Variants in ZBTB44 observed in about 807,000 individuals in gnomAD.
ZBTB44 encodes zinc finger and BTB domain containing 44.
A neutral mutation model predicts 54.0 loss-of-function variants in ZBTB44; 15 were observed. The observed-to-expected ratio is 0.28, with a 90% CI of 0.19 to 0.43. The LOEUF (loss-of-function observed/expected upper bound fraction) is 0.43. Ranked by LOEUF, ZBTB44 falls within the 20% of genes least tolerant of loss-of-function variation. ZBTB44 has a pLI of 1.00. For synonymous variants in ZBTB44, 230 were observed against 250.1 expected, an observed-to-expected ratio of 0.92 and a Z score of 0.76; for missense variants, 487 against 707.1, an observed-to-expected ratio of 0.69 and a Z score of 3.53.
Position 130,261,259 on chromosome 11 carries a change from G to C in ZBTB44, c.615C>G (p.Pro205=). Reference sequence around the variant, plus strand: ...AGGAAGCTGAAGAATTCAATACCTGGGGTGAGCTTGTTTGTGTGCCACACT... The same window carrying C: ...AGGAAGCTGAAGAATTCAATACCTGCGGTGAGCTTGTTTGTGTGCCACACT... ...PVKCGTQTSS[P]QVLNSSASYS... is the part of the protein sequence containing the mutation. The change falls in exon 2 of 8, where the codon CCC becomes CCG. Residue 205 remains proline (P), a synonymous_variant. Coordinates refer to ENST00000357899, the MANE Select transcript of ZBTB44 (RefSeq NM_001301098.2). This position sits in a 1 kb window ranked among gnomAD's most constrained non-coding sequence, Gnocchi z 4.8. 2 of 1,613,868 alleles carry C rather than the reference G, an allele frequency of 1.2e-6. No homozygotes were observed. The highest frequency in any genetic ancestry group is 1.7e-6 in the Non-Finnish European group (2 of 1,179,884).
intron 1 of ZBTB44, among the ~76,000 whole-genome samples, chr11:130,279,053 G>C (rs945479984): frequency 4.6e-5 from 7 of 152,004 alleles, no homozygotes; most frequent in African/African-American, 1.4e-4. Flanking sequence ...AGCAAATCCA[G>C]TTACTGTTCC....
chr11:130,274,577 C>T (rs1187277047), intron 1 of ZBTB44, among the ~76,000 whole-genome samples: 1 of 152,132 alleles, frequency 6.6e-6, no homozygotes, highest in Non-Finnish European at 1.5e-5. Flanking sequence ...AAAGGGAATT[C>T]AATGAGTCAA....
intron 2 of ZBTB44, among the ~76,000 whole-genome samples, chr11:130,242,008 A>G (rs1400983881): frequency 6.6e-6 from 1 of 152,212 alleles, no homozygotes; most frequent in Non-Finnish European, 1.5e-5. Flanking sequence ...TTTATAATAA[A>G]TCTTGCTATC....
intron 1 of ZBTB44, among the ~76,000 whole-genome samples, chr11:130,301,260 T>C (rs1941971780): frequency 6.6e-6 from 1 of 152,222 alleles, no homozygotes; most frequent in African/African-American, 2.4e-5. Flanking sequence ...GCTAGAGTTC[T>C]TGTCTGGCTT....
chr11:130,297,008 T>A (rs1167368683), intron 1 of ZBTB44: 13 of 732,750 alleles, frequency 1.8e-5, no homozygotes, highest in Non-Finnish European at 3.0e-5. Flanking sequence ...CCAAAATCTT[T>A]AAACACATTA....
chr11:130,281,812 A>G (rs970086306), intron 1 of ZBTB44, among the ~76,000 whole-genome samples: 2 of 151,642 alleles, frequency 1.3e-5, no homozygotes, highest in Non-Finnish European at 2.9e-5. Context: ...TCGCCGTGTT[A>G]GCCAGGATGG....
At chr11:130,280,943 G>A (rs1465133789) in intron 1 of ZBTB44, among the ~76,000 whole-genome samples, 2 of 152,044 alleles carry the variant, frequency 1.3e-5, no homozygotes, top group South Asian at 2.1e-4. Flanking sequence ...GGACAATCTC[G>A]CCTTTTTAGC....
intron 1 of ZBTB44, among the ~76,000 whole-genome samples, chr11:130,269,371 T>C (rs369579031): frequency 6.6e-6 from 1 of 152,328 alleles, no homozygotes; most frequent in South Asian, 2.1e-4. Flanking sequence ...TTGGAGGTCA[T>C]TTAAAATTCT....
chr11:130,245,601 T>G (rs752685756), intron 2 of ZBTB44, among the ~76,000 whole-genome samples: 4 of 151,810 alleles, frequency 2.6e-5, no homozygotes, highest in African/African-American at 2.4e-5. Flanking sequence ...GACTGGCATC[T>G]GCTTCTCACT....
intron 1 of ZBTB44, among the ~76,000 whole-genome samples, chr11:130,279,598 G>A (rs1167285614): frequency 6.6e-6 from 1 of 152,214 alleles, no homozygotes; most frequent in African/African-American, 2.4e-5. Flanking sequence ...GGTGGAGGTT[G>A]CAGTGAGCTG....
intron 2 of ZBTB44, among the ~76,000 whole-genome samples, chr11:130,254,289 G>A (rs920753416): frequency 1.3e-5 from 2 of 152,060 alleles, no homozygotes; most frequent in Non-Finnish European, 2.9e-5. Flanking sequence ...GCAACCTACA[G>A]AATGGGAGAA....
intron 1 of ZBTB44, among the ~76,000 whole-genome samples, chr11:130,263,578 T>C (rs945049741): frequency 3.9e-5 from 6 of 152,284 alleles, no homozygotes; most frequent in African/African-American, 1.4e-4. Context: ...AACAGCATAT[T>C]TGGAAGACAT....
chr11:130,295,748 T>A lies in ZBTB44; in HGVS notation c.-57+18627A>T, dbSNP rs995439478. 2.0e-5 allele frequency: 30 copies of A among 1,532,358 alleles called. No individual in the cohort carries two copies. In the Admixed American group the frequency reaches 4.9e-4, roughly 25 times the overall value. 94.9% of individuals were successfully genotyped at this position (1,532,358 alleles called of 1,614,324 possible). On this transcript the variant is annotated intron_variant, in intron 1 of 7. Coordinates refer to ENST00000357899, the MANE Select transcript of ZBTB44 (RefSeq NM_001301098.2). ...AAACAGGCAGTGGTAAAACCCTGGC[T>A]TTTCTCAAACCTGCAGTAGAACTCA...
rs556704614 is a variant in ZBTB44 at position 130,267,136 on chromosome 11, T to C, written c.-56-5207A>G. Among the ~76,000 whole-genome samples the C allele has an allele frequency of 4.2e-4, 64 of 151,930 alleles. 1 individual carries two copies. Among genetic ancestry groups the C allele is most frequent in the Admixed American group, 5.9e-4 (9 of 15,272 alleles). On this transcript the variant is annotated intron_variant, in intron 1 of 7. Transcript: ENST00000357899. ...AAAATTAGCTCAGTGTGACGTCACA[T>C]GCCTGTAGTCCCAGCTACTCAGGAG...
chr11:130,295,046 G>A (rs1444296267), intron 1 of ZBTB44, among the ~76,000 whole-genome samples: 2 of 152,102 alleles, frequency 1.3e-5, no homozygotes, highest in Admixed American at 6.5e-5. Context: ...ACTGTGTGAC[G>A]TCGTGATCTA....
Position 130,261,209 on chromosome 11 carries a change from A to G in ZBTB44, c.665T>C (p.Val222Ala). 6.2e-7 allele frequency: 1 copy of G among 1,613,992 alleles called. No homozygotes were observed. The highest frequency in any genetic ancestry group is 8.5e-7 in the Non-Finnish European group (1 of 1,179,886). Reference protein sequence around the residue: ...ASYSENRNQPVDSSLAFPWTF... With the variant: ...ASYSENRNQPADSSLAFPWTF... ...CCAAGGAAAAGCTAAGGAAGAGTCA[A>G]CTGGTTGGTTTCTATTTTCTGAGTA... is the stretch of plus-strand genomic sequence containing the variant. The change falls in exon 2 of 8, where the codon GTT becomes GCT. Residue 222 changes from valine to alanine, a missense_variant. By Grantham distance (64) the Val-to-Ala change is moderately conservative. Transcript: ENST00000357899. This position sits in a 1 kb window ranked among gnomAD's most constrained non-coding sequence, Gnocchi z 4.8.
intron 1 of ZBTB44, among the ~76,000 whole-genome samples, chr11:130,297,624 T>C (rs975159334): frequency 7.9e-5 from 12 of 152,202 alleles, no homozygotes; most frequent in African/African-American, 2.9e-4. Flanking sequence ...TAGACAGACA[T>C]GCACATAGGG....
chr11:130,281,130 A>G (rs1181155483), intron 1 of ZBTB44, among the ~76,000 whole-genome samples: 3 of 152,236 alleles, frequency 2.0e-5, no homozygotes, highest in Admixed American at 6.5e-5. Context: ...GAATGCAGCT[A>G]AAGTAGTGCT....
At chr11:130,284,684 T>C (rs1940804163) in intron 1 of ZBTB44, among the ~76,000 whole-genome samples, 1 of 152,058 alleles carries the variant, frequency 6.6e-6, no homozygotes, top group Non-Finnish European at 1.5e-5. Context: ...CTGACCAACA[T>C]GGAGAAACAC....
Sources: allele counts gnomAD v4.1 joint callset (sites outside exome capture counted in the v4.1 genomes callset), GRCh38; gene constraint gnomAD v4.1.1; non-coding constraint Gnocchi (gnomAD v3.1); transcripts MANE v1.5; gene names NCBI Gene and HGNC (gene_info 2026-07-23, HGNC 2026-07-21).